Variants in NKD1 observed in about 807,000 individuals in gnomAD.
The protein encoded by NKD1 is NKD inhibitor of Wnt signaling pathway 1.
In NKD1, 21 loss-of-function variants were observed where a neutral mutation model predicts 56.0. The ratio of observed to expected loss-of-function variants is 0.38; its 90% CI spans 0.27 to 0.54. The LOEUF (loss-of-function observed/expected upper bound fraction) is 0.54, where lower values mean the gene tolerates loss of function less well. Ranked by LOEUF, NKD1 falls within the 20% of genes least tolerant of loss-of-function variation. The pLI, the probability that NKD1 is intolerant of heterozygous loss-of-function variation, is 0.82. For synonymous variants in NKD1, 263 were observed against 265.7 expected (o/e 0.99, Z 0.10); for missense variants, 578 against 642.7 (o/e 0.90, Z 1.09).
chr16:50,597,334 G>A (rs1005216188), intron 3 of NKD1, among the ~76,000 whole-genome samples: 2 of 152,144 alleles, frequency 1.3e-5, no homozygotes, highest in African/African-American at 4.8e-5. Flanking sequence ...GTCCGGTTTG[G>A]ACACATGAAG....
chr16:50,622,261 G>C (rs1403930056), intron 5 of NKD1, among the ~76,000 whole-genome samples: 1 of 152,228 alleles, frequency 6.6e-6, no homozygotes, highest in African/African-American at 2.4e-5. Flanking sequence ...TCTGAGCGTA[G>C]GGGTAGGAGT....
At position 50,625,597 on chromosome 16, in the gene NKD1, G is replaced by A; in HGVS notation, c.462+17G>A. Reference sequence around the variant, plus strand: ...ACCCGAGAGGTGAGTGCACCTGCCTGGCCTCTTGCCGTGTATCATACCCGC... The same window carrying A: ...ACCCGAGAGGTGAGTGCACCTGCCTAGCCTCTTGCCGTGTATCATACCCGC... On this transcript the variant is annotated intron_variant, in intron 6 of 9. Transcript: ENST00000268459. 6.5e-7 allele frequency: 1 copy of A among 1,548,984 alleles called. No homozygotes were observed.
intron 3 of NKD1, chr16:50,571,009 T>C: frequency 1.0e-6 from 1 of 985,156 alleles, no homozygotes; most frequent in Non-Finnish European, 1.2e-6. Context: ...CCCTCCTGGG[T>C]GTGCACCTGT....
At chr16:50,550,641 C>G (rs867247791) in intron 3 of NKD1, among the ~76,000 whole-genome samples, 1 of 152,012 alleles carries the variant, frequency 6.6e-6, no homozygotes. Context: ...TTCTGTTGGC[C>G]GGGTCGGACT....
In NKD1 at chr16:50,648,136, A is replaced by T. The variant is rs1962714263; in HGVS notation, c.*14355A>T. On this transcript the variant is annotated 3_prime_UTR_variant, in exon 10 of 10. Coordinates refer to ENST00000268459, the MANE Select transcript of NKD1 (RefSeq NM_033119.5). ...GAAGGCCTCCTTTTCTCTCTTCTAT[A>T]GCCACTCACTCCTGGGCCCCACTGT... The T allele has an allele frequency of 6.6e-6, 1 of 152,564 alleles. No homozygotes were observed. Among genetic ancestry groups the T allele is most frequent in the South Asian group, 2.1e-4 (1 of 4,816 alleles). 9.5% of individuals were successfully genotyped at this position (152,564 alleles called of 1,614,324 possible).
chr16:50,566,797 G>C (rs1426104727), intron 3 of NKD1, among the ~76,000 whole-genome samples: 1 of 152,138 alleles, frequency 6.6e-6, no homozygotes, highest in East Asian at 1.9e-4. Flanking sequence ...AGCCCACCTG[G>C]GTTACAGCCT....
chr16:50,593,376 C>G (rs138621027), intron 3 of NKD1, among the ~76,000 whole-genome samples: 1 of 152,300 alleles, frequency 6.6e-6, no homozygotes, highest in East Asian at 1.9e-4. Context: ...GATGTCAGGA[C>G]CCCTTTTGCA....
At chr16:50,567,862 G>A (rs1469446565) in intron 3 of NKD1, among the ~76,000 whole-genome samples, 1 of 152,234 alleles carries the variant, frequency 6.6e-6, no homozygotes, top group African/African-American at 2.4e-5. Context: ...CCTGTCTCGG[G>A]TAGACATGAC....
At chr16:50,574,559 C>A in intron 3 of NKD1, 1 of 985,434 alleles carries the variant, frequency 1.0e-6, no homozygotes, top group Non-Finnish European at 1.2e-6. Flanking sequence ...GTGGTCTCGC[C>A]TTGGATTGAT....
Position 50,623,289 on chromosome 16 carries a change from C to G in NKD1, c.366+1581C>G, listed in dbSNP as rs1392827461. Among the ~76,000 whole-genome samples the G allele has an allele frequency of 2.6e-5, 4 of 152,078 alleles. No homozygotes were observed. Among genetic ancestry groups the G allele is most frequent in the Admixed American group, 6.5e-5 (1 of 15,288 alleles). On this transcript the variant is annotated intron_variant, in intron 5 of 9. Transcript: ENST00000268459. This position sits in a 1 kb window ranked among gnomAD's most constrained non-coding sequence, Gnocchi z 4.1. ...ACCATCCTGCACAGGCCACACCACA[C>G]AGCTTGTTCTCCCCACACAGCACAG...
At chr16:50,588,225 A>G (rs1359548817) in intron 3 of NKD1, among the ~76,000 whole-genome samples, 2 of 152,230 alleles carry the variant, frequency 1.3e-5, no homozygotes, top group Admixed American at 1.3e-4. Flanking sequence ...TACATATCTA[A>G]TAGAGGAACC....
chr16:50,621,071 G>A (rs1401557854), intron 4 of NKD1, among the ~76,000 whole-genome samples: 1 of 152,378 alleles, frequency 6.6e-6, no homozygotes, highest in South Asian at 2.1e-4. Flanking sequence ...GTGCATACAT[G>A]TATGTGGACG....
intron 3 of NKD1, among the ~76,000 whole-genome samples, chr16:50,596,679 C>G (rs1251898513): frequency 6.6e-6 from 1 of 152,270 alleles, no homozygotes; most frequent in African/African-American, 2.4e-5. Flanking sequence ...TCAACACACG[C>G]TGGTCGAGTG....
chr16:50,606,806 G>A (rs8053661), intron 3 of NKD1: 4 of 456,682 alleles, frequency 8.8e-6, no homozygotes. Flanking sequence ...TGTTCCCTCG[G>A]GGAAGCTCTG....
At chr16:50,549,306 T>G in intron 2 of NKD1, 116 bp from the exon 3 acceptor site, 1 of 1,351,550 alleles carries the variant, frequency 7.4e-7, no homozygotes. Flanking sequence ...GCGAACCCCC[T>G]CCTGGCCCCC....
At chr16:50,618,194 C>T (rs543398879) in intron 4 of NKD1, among the ~76,000 whole-genome samples, 108 of 152,218 alleles carry the variant, frequency 7.1e-4, no homozygotes, top group Middle Eastern at 3.4e-3. Context: ...TGAGCAGTGT[C>T]TCCTATAGTT....
chr16:50,560,931 GGT>G (rs1221059182), intron 3 of NKD1, among the ~76,000 whole-genome samples: 1 of 151,954 alleles, frequency 6.6e-6, no homozygotes, highest in African/African-American at 2.4e-5. Flanking sequence ...GAAAAACGCT[GGT>G]GTGGGTCACT....
Position 50,596,549 on chromosome 16 carries a change from G to A in NKD1, c.193-11745G>A, listed in dbSNP as rs77681948. Among the ~76,000 whole-genome samples, 3 of 152,350 alleles carry A rather than the reference G, an allele frequency of 2.0e-5. No individual in the cohort carries two copies. In the East Asian group the frequency reaches 5.8e-4, roughly 29 times the overall value. On this transcript the variant is annotated intron_variant, in intron 3 of 9. Transcript: ENST00000268459. ...CCTACTACAGCGCGTGGAAACACGT[G>A]CAGATAATGTTAGGAAATGTAATCA... is the stretch of plus-strand genomic sequence containing the variant.
chr16:50,601,895 T>C (rs982736732), intron 3 of NKD1, among the ~76,000 whole-genome samples: 3 of 151,682 alleles, frequency 2.0e-5, no homozygotes, highest in Middle Eastern at 3.4e-3. Context: ...GAGGGGCGGG[T>C]CTGTTTTCCT....
Sources: allele counts gnomAD v4.1 joint callset (sites outside exome capture counted in the v4.1 genomes callset), GRCh38; gene constraint gnomAD v4.1.1; non-coding constraint Gnocchi (gnomAD v3.1); transcripts MANE v1.5; gene names NCBI Gene and HGNC (gene_info 2026-07-23, HGNC 2026-07-21).